The following RELL1 variants were observed in gnomAD, a reference collection of about 807,000 sequenced individuals.
RELL1 encodes RELT like 1, also known as RELT-like protein 1.
A neutral mutation model predicts 23.0 loss-of-function variants in RELL1; 10 were observed. That is an observed-to-expected ratio of 0.43 (90% CI 0.27 to 0.74). The LOEUF (loss-of-function observed/expected upper bound fraction) is 0.74, where lower values mean the gene tolerates loss of function less well. RELL1 is among the 30% of genes least tolerant of loss of function. RELL1 has a pLI of 0.19. For missense variants in RELL1, 315 were observed against 364.4 expected (o/e 0.86, Z 1.10); for synonymous variants, 146 against 146.8 (o/e 0.99, Z 0.04).
At chr4:37,592,033 C>G (rs536955651) in intron 6 of RELL1, among the ~76,000 whole-genome samples, 3 of 151,938 alleles carry the variant, frequency 2.0e-5, no homozygotes, top group Admixed American at 6.6e-5. Flanking sequence ...ATAGTGAAAC[C>G]CTGTCTCTAC....
chr4:37,628,208 T>G lies in RELL1; in HGVS notation c.*3+3177A>C, dbSNP rs145297275. 7.4e-3 allele frequency among the ~76,000 whole-genome samples: 1,134 copies of G among 152,308 alleles called. 13 individuals carry two copies. Among genetic ancestry groups the G allele is most frequent in the African/African-American group, 0.026 (1,063 of 41,570 alleles). On this transcript the variant is annotated intron_variant, in intron 6 of 6. Transcript: ENST00000454158. ...CTGAGCAGGCTCTACTCATGGGACC[T>G]GCTCGTCTTGGACCCAGTTGAATGA...
intron 5 of RELL1, 78 bp from the exon 6 acceptor site, chr4:37,631,601 AC>A (rs1479427121): frequency 2.0e-6 from 3 of 1,505,570 alleles, no homozygotes; most frequent in Admixed American, 2.1e-5. Flanking sequence ...AAAATCATCC[AC>A]CCAGAGGATC....
intron 2 of RELL1, among the ~76,000 whole-genome samples, chr4:37,648,008 A>T (rs1361315458): frequency 4.6e-5 from 7 of 152,160 alleles, no homozygotes; most frequent in African/African-American, 1.7e-4. Context: ...CTTTGGGAAA[A>T]AAAGCAAACC....
chr4:37,677,977 C>A (rs968985114), intron 1 of RELL1, among the ~76,000 whole-genome samples: 1 of 152,034 alleles, frequency 6.6e-6, no homozygotes, highest in South Asian at 2.1e-4. Flanking sequence ...CTTGTCCCCC[C>A]AAAAAAGAAA....
At chr4:37,643,619 A>T (rs775253260) in intron 3 of RELL1, among the ~76,000 whole-genome samples, 3 of 152,214 alleles carry the variant, frequency 2.0e-5, no homozygotes, top group Non-Finnish European at 2.9e-5. Flanking sequence ...AGAAAGCAAA[A>T]TTTATATTAA....
In RELL1 at chr4:37,598,200, A is replaced by G. The variant is rs1001626212; in HGVS notation, c.*4-6983T>C. On this transcript the variant is annotated intron_variant, in intron 6 of 6. Coordinates refer to the RELL1 transcript ENST00000314117. ...ATGACAGAAACCCAAACTAGATAAC[A>G]AAAGAATTTCCTTGAATGTTCTGTT... Among the ~76,000 whole-genome samples the G allele has an allele frequency of 5.8e-4, 83 of 142,630 alleles. 1 individual carries two copies. The highest frequency in any genetic ancestry group is 2.0e-3 in the African/African-American group (77 of 38,698). 93.6% of individuals were successfully genotyped at this position (142,630 alleles called of 152,430 possible).
At chr4:37,660,783 G>A (rs978484248) in intron 1 of RELL1, among the ~76,000 whole-genome samples, 5 of 152,166 alleles carry the variant, frequency 3.3e-5, no homozygotes, top group African/African-American at 9.7e-5. Flanking sequence ...TGTAATCCCA[G>A]CACTTTGGGA....
At position 37,612,342 on chromosome 4, in the gene RELL1, AAAAAAAC is replaced by A. The variant is rs1560328418; in HGVS notation, c.*997_*1003del. Reference sequence around the variant, plus strand: ...AAGGTTAAAAAAAAAAAAAAAACAAAAAAAAACAAAAAACCGGGTGCAGTGGCCCACG... The same window carrying A: ...AAGGTTAAAAAAAAAAAAAAAACAAAAAAAAACCGGGTGCAGTGGCCCACG... On this transcript the variant is annotated 3_prime_UTR_variant, in exon 7 of 7. Transcript: ENST00000454158. Among the ~76,000 whole-genome samples, 78 of 131,940 alleles carry A rather than the reference AAAAAAAC, an allele frequency of 5.9e-4. 1 individual carries two copies. Among genetic ancestry groups the A allele is most frequent in the African/African-American group, 9.5e-4 (33 of 34,864 alleles). 86.6% of individuals were successfully genotyped at this position (131,940 alleles called of 152,430 possible).
chr4:37,588,836 T>G (rs1718445883), downstream of RELL1: 1 of 1,604,898 alleles, frequency 6.2e-7, no homozygotes, highest in African/African-American at 1.3e-5. Context: ...TTTTACGCTT[T>G]CTTTTCCAGG....
intron 1 of RELL1, among the ~76,000 whole-genome samples, chr4:37,678,097 G>T (rs1424506296): frequency 6.6e-6 from 1 of 152,230 alleles, no homozygotes; most frequent in Non-Finnish European, 1.5e-5. Flanking sequence ...GGCCTCAGAA[G>T]CTTCCAGTCA....
chr4:37,671,632 A>G (rs1033834397), intron 1 of RELL1, among the ~76,000 whole-genome samples: 2 of 152,164 alleles, frequency 1.3e-5, no homozygotes, highest in Non-Finnish European at 2.9e-5. Flanking sequence ...AGAATTGCTC[A>G]CCCTCTTCCT....
chr4:37,590,533 A>C (rs759287092), downstream of RELL1: 12 of 1,614,050 alleles, frequency 7.4e-6, no homozygotes, highest in Admixed American at 2.0e-4. Context: ...AGTCATGAGA[A>C]ATGGAGACTC....
chr4:37,682,588 G>T (rs773222843), intron 1 of RELL1, among the ~76,000 whole-genome samples: 7 of 152,140 alleles, frequency 4.6e-5, no homozygotes, highest in Non-Finnish European at 8.8e-5. Flanking sequence ...CATTTTTAGA[G>T]GGGGTAGGGG....
intron 1 of RELL1, among the ~76,000 whole-genome samples, chr4:37,662,295 A>T (rs763280695): frequency 6.6e-6 from 1 of 152,186 alleles, no homozygotes; most frequent in Non-Finnish European, 1.5e-5. Flanking sequence ...TTCAACTTAC[A>T]ATCTACTTAC....
At chr4:37,670,648 G>A (rs572650353) in intron 1 of RELL1, among the ~76,000 whole-genome samples, 27 of 150,192 alleles carry the variant, frequency 1.8e-4, no homozygotes, top group African/African-American at 6.4e-4. Flanking sequence ...TCTGCTCACT[G>A]CAACCTCTGC....
At chr4:37,686,032 C>T (rs139726374) in intron 1 of RELL1, among the ~76,000 whole-genome samples, 168 bp downstream of exon 1, 2 of 152,190 alleles carry the variant, frequency 1.3e-5, no homozygotes, top group Non-Finnish European at 2.9e-5. Context: ...TGCCACGCAC[C>T]GCGCCCTGCC....
intron 5 of RELL1, among the ~76,000 whole-genome samples, chr4:37,633,581 A>C (rs373319135): frequency 6.6e-6 from 1 of 152,156 alleles, no homozygotes; most frequent in African/African-American, 2.4e-5. Context: ...TTAATAAAAC[A>C]GTGTGGTCAT....
At chr4:37,630,356 GTTTTTTTT>G (rs59763359) in intron 6 of RELL1, among the ~76,000 whole-genome samples, 1 of 86,734 alleles carries the variant, frequency 1.2e-5, no homozygotes, top group African/African-American at 4.8e-5. Context: ...TGTGTGTGTG[GTTTTTTTT>G]TTTTTTTTTT....
chr4:37,641,341 C>T (rs1484851959), intron 3 of RELL1, among the ~76,000 whole-genome samples: 1 of 152,128 alleles, frequency 6.6e-6, no homozygotes, highest in Non-Finnish European at 1.5e-5. Context: ...AGTAATCTGT[C>T]TATTGGGAAC....
Sources: gnomAD v4.1 joint callset for allele counts (sites outside exome capture counted in the v4.1 genomes callset) on GRCh38, gnomAD v4.1.1 for gene constraint, MANE v1.5 for transcripts, NCBI Gene and HGNC (gene_info 2026-07-23, HGNC 2026-07-21) for gene names.